TMEM135: variants seen among roughly 807,000 people sequenced by gnomAD.
TMEM135 encodes transmembrane protein 135, also known as peroxisomal membrane protein 52.
TMEM135 carries 30 observed loss-of-function variants against 60.3 expected under a neutral mutation model. The ratio of observed to expected loss-of-function variants is 0.50; its 90% CI spans 0.37 to 0.68. The LOEUF is 0.68. Among genes scored for constraint, TMEM135 ranks in the 30% least tolerant of loss-of-function variants. The pLI is 0.00. For synonymous variants in TMEM135, 190 were observed against 186.7 expected, an observed-to-expected ratio of 1.02 and a Z score of -0.14; for missense variants, 468 against 548.8, an observed-to-expected ratio of 0.85 and a Z score of 1.47.
At chr11:87,105,524 A>G (rs571506394) in intron 4 of TMEM135, among the ~76,000 whole-genome samples, 7 of 152,282 alleles carry the variant, frequency 4.6e-5, no homozygotes, top group Admixed American at 6.5e-5. Flanking sequence ...CCGCTGGCCT[A>G]TCACATTTAT....
In TMEM135 at chr11:87,321,431, A is replaced by C. The variant is rs1942818404; in HGVS notation, c.*98A>C. 7.7e-7 allele frequency: 1 copy of C among 1,301,120 alleles called. No individual in the cohort carries two copies. The highest frequency in any genetic ancestry group is 1.1e-6 in the Non-Finnish European group (1 of 901,374). The allele number at this position is 1,301,120 out of a possible 1,614,324, so 80.6% of individuals were successfully genotyped here. On this transcript the variant is annotated 3_prime_UTR_variant, in exon 15 of 15. Coordinates refer to ENST00000305494, the MANE Select transcript of TMEM135 (RefSeq NM_022918.4). Reference sequence around the variant, plus strand: ...GGGCCCAAGCTCGAACTTCAGTGTTATTTCAGTTAGAGATACTCTTTTCAT... The same window carrying C: ...GGGCCCAAGCTCGAACTTCAGTGTTCTTTCAGTTAGAGATACTCTTTTCAT...
Position 87,309,717 on chromosome 11 carries a change from T to C in TMEM135, c.936+45T>C, listed in dbSNP as rs751149316. ...AAAGAAAAATGGGAAATAAATAACA[T>C]TGCTATTGTTAGAATGAGAGATGGC... On this transcript the variant is annotated intron_variant, in intron 10 of 14. Coordinates refer to ENST00000305494, the MANE Select transcript of TMEM135 (RefSeq NM_022918.4). 44 of 1,588,780 alleles carry C rather than the reference T, an allele frequency of 2.8e-5. 1 individual carries two copies. Among genetic ancestry groups the C allele is most frequent in the Admixed American group, 1.5e-4 (9 of 59,766 alleles).
intron 6 of TMEM135, among the ~76,000 whole-genome samples, chr11:87,265,362 C>G (rs1040089392): frequency 2.0e-5 from 3 of 151,924 alleles, no homozygotes; most frequent in Non-Finnish European, 4.4e-5. Flanking sequence ...TTCCTGTCAT[C>G]CATGAAGAAT....
At chr11:87,243,129 T>C (rs1941178951) in intron 6 of TMEM135, among the ~76,000 whole-genome samples, 2 of 95,614 alleles carry the variant, frequency 2.1e-5, no homozygotes, top group African/African-American at 8.0e-5. Flanking sequence ...CCATTGCTTG[T>C]TTTTCTCAGG....
At position 87,117,834 on chromosome 11, in the gene TMEM135, A is replaced by G. The variant is rs186291753; in HGVS notation, c.396+26439A>G. On this transcript the variant is annotated intron_variant, in intron 4 of 14. Transcript: ENST00000305494. ...GCATGTAGAATGGTGAGTTCTTTCC[A>G]GAAGGTTTACAATTTGCTTTGCCCC... Among the ~76,000 whole-genome samples the G allele has an allele frequency of 4.6e-5, 7 of 152,312 alleles. No individual in the cohort carries two copies. The East Asian group carries it at 1.4e-3, about 29-fold the overall frequency.
chr11:87,039,388 G>A (rs1176848799), intron 1 of TMEM135, among the ~76,000 whole-genome samples: 4 of 152,162 alleles, frequency 2.6e-5, no homozygotes, highest in Non-Finnish European at 4.4e-5. Flanking sequence ...CTGAACCTCT[G>A]CTTTCCTAAC....
chr11:87,120,688 G>C (rs1010148882), intron 4 of TMEM135, among the ~76,000 whole-genome samples: 3 of 151,738 alleles, frequency 2.0e-5, no homozygotes, highest in Admixed American at 6.6e-5. Context: ...GGATGGTCTC[G>C]ATCTCCTGAC....
chr11:87,169,327 A>T (rs1939162898), intron 5 of TMEM135, among the ~76,000 whole-genome samples: 1 of 149,856 alleles, frequency 6.7e-6, no homozygotes, highest in South Asian at 2.2e-4. Context: ...GTTATGTGTG[A>T]ATTTGATCCT....
At chr11:87,086,309 C>G (rs995648222) in intron 3 of TMEM135, among the ~76,000 whole-genome samples, 1 of 151,962 alleles carries the variant, frequency 6.6e-6, no homozygotes, top group African/African-American at 2.4e-5. Context: ...CAGTGATGCC[C>G]CCTGCCCTGC....
chr11:87,067,942 G>T, intron 2 of TMEM135, 121 bp downstream of exon 2: 1 of 1,241,316 alleles, frequency 8.1e-7, no homozygotes, highest in Non-Finnish European at 1.1e-6. Context: ...TTTAATCTGT[G>T]AAGTGACATT....
chr11:87,282,882 G>A (rs2135421890), intron 6 of TMEM135, among the ~76,000 whole-genome samples: 1 of 151,786 alleles, frequency 6.6e-6, no homozygotes, highest in African/African-American at 2.4e-5. Flanking sequence ...CCATTCTATG[G>A]GCTAGCAAGA....
intron 4 of TMEM135, among the ~76,000 whole-genome samples, chr11:87,109,950 A>G (rs913652397): frequency 6.6e-6 from 1 of 152,218 alleles, no homozygotes; most frequent in Admixed American, 6.5e-5. Context: ...TGACTGGCAA[A>G]CAAGTTATCT....
intron 5 of TMEM135, among the ~76,000 whole-genome samples, chr11:87,236,097 T>C (rs1940989002): frequency 6.6e-6 from 1 of 151,928 alleles, no homozygotes; most frequent in Non-Finnish European, 1.5e-5. Context: ...TAAGCTTGCA[T>C]GTTTAGGCTT....
At chr11:87,209,098 G>T (rs1008509650) in intron 5 of TMEM135, among the ~76,000 whole-genome samples, 1 of 152,104 alleles carries the variant, frequency 6.6e-6, no homozygotes, top group Non-Finnish European at 1.5e-5. Flanking sequence ...ACCAAAACAT[G>T]TATAAGGACA....
At chr11:87,204,192 A>T (rs906663320) in intron 5 of TMEM135, among the ~76,000 whole-genome samples, 10 of 152,164 alleles carry the variant, frequency 6.6e-5, no homozygotes, top group African/African-American at 2.4e-4. Flanking sequence ...GTTCTCTCTG[A>T]AAGTCCCCTA....
rs375127711 is a variant in TMEM135 at position 87,304,892 on chromosome 11, C to T, written c.699-1044C>T. On this transcript the variant is annotated intron_variant, in intron 8 of 14. Coordinates refer to ENST00000305494, the MANE Select transcript of TMEM135 (RefSeq NM_022918.4). Reference sequence around the variant, plus strand: ...AGCTAGACCCATGTTAGATATTCTGCTTACTTTTTTATGCCTAAGGTGAAT... The same window carrying T: ...AGCTAGACCCATGTTAGATATTCTGTTTACTTTTTTATGCCTAAGGTGAAT... 3.4e-4 allele frequency among the ~76,000 whole-genome samples: 52 copies of T among 152,294 alleles called. No individual in the cohort carries two copies. In the East Asian group the frequency reaches 3.9e-3, roughly 11 times the overall value.
chr11:87,066,726 C>T (rs1421885083), intron 1 of TMEM135, among the ~76,000 whole-genome samples: 6 of 149,802 alleles, frequency 4.0e-5, no homozygotes, highest in Admixed American at 3.3e-4. Context: ...GGGACTTATT[C>T]GTGTTTCTGT....
Position 87,326,778 on chromosome 11 carries a change from T to TG in TMEM135, c.*5446dup. The TG allele has an allele frequency of 2.2e-6, 1 of 446,338 alleles. No individual in the cohort carries two copies. Among genetic ancestry groups the TG allele is most frequent in the Non-Finnish European group, 4.4e-6 (1 of 224,852 alleles). 27.6% of individuals were successfully genotyped at this position (446,338 alleles called of 1,614,324 possible). A position where few individuals can be genotyped will look rare whatever the true frequency, so the allele number is the denominator to read the frequency against. ...GCAAAGCTTCAGGAAGAAATTCAGT[T>TG]GCATCTGAATCTGAGTCGGCAGTTT... On this transcript the variant is annotated 3_prime_UTR_variant, in exon 15 of 15. Coordinates refer to ENST00000305494, the MANE Select transcript of TMEM135 (RefSeq NM_022918.4).
intron 1 of TMEM135, among the ~76,000 whole-genome samples, chr11:87,059,306 TC>T (rs1197205816): frequency 6.8e-6 from 1 of 147,384 alleles, no homozygotes; most frequent in African/African-American, 2.5e-5. Context: ...TGTTTGAAGT[TC>T]TTTTTTTTTT....
Sources: allele counts gnomAD v4.1 joint callset (sites outside exome capture counted in the v4.1 genomes callset), GRCh38; gene constraint gnomAD v4.1.1; transcripts MANE v1.5; gene names NCBI Gene and HGNC (gene_info 2026-07-23, HGNC 2026-07-21).